The following TCERG1L variants were observed in gnomAD, a reference collection of about 807,000 sequenced individuals.
TCERG1L encodes transcription elongation regulator 1 like.
Under a neutral mutation model 56.3 loss-of-function variants are expected in TCERG1L, and 37 were observed. That is an observed-to-expected ratio of 0.66 (90% CI 0.51 to 0.87). The LOEUF is 0.87. Ranked by LOEUF, TCERG1L falls within the 40% of genes least tolerant of loss-of-function variation. The probability of loss-of-function intolerance (pLI) is 0.00; values close to 1 mark genes in which losing one functional copy is unlikely to be tolerated. For missense variants in TCERG1L, 799 were observed against 774.2 expected, an observed-to-expected ratio of 1.03 and a Z score of -0.38; for synonymous variants, 324 against 326.3, an observed-to-expected ratio of 0.99 and a Z score of 0.08.
chr10:131,241,113 C>A (rs1214752623), intron 4 of TCERG1L, among the ~76,000 whole-genome samples: 2 of 152,100 alleles, frequency 1.3e-5, no homozygotes, highest in Non-Finnish European at 2.9e-5. Context: ...CTCAGGGCAC[C>A]GCACAGAAAT....
intron 9 of TCERG1L, among the ~76,000 whole-genome samples, chr10:131,106,303 T>C (rs904705473): frequency 2.6e-5 from 4 of 152,190 alleles, no homozygotes; most frequent in Non-Finnish European, 4.4e-5. Context: ...ACTCTTGAGA[T>C]GGCACTAGGG....
intron 6 of TCERG1L, among the ~76,000 whole-genome samples, chr10:131,152,664 C>A (rs371044623): frequency 6.6e-5 from 10 of 152,214 alleles, no homozygotes; most frequent in Non-Finnish European, 1.0e-4. Flanking sequence ...ATCCTTATAG[C>A]AGCACCCCAC....
At chr10:131,250,071 G>A (rs1431772449) in intron 4 of TCERG1L, among the ~76,000 whole-genome samples, 9 of 152,224 alleles carry the variant, frequency 5.9e-5, no homozygotes, top group Admixed American at 5.9e-4. Context: ...GCACCAAGGA[G>A]GTATCACAGA....
chr10:131,284,342 ATTTAAAT>A (rs1846496785), intron 3 of TCERG1L, among the ~76,000 whole-genome samples: 1 of 152,144 alleles, frequency 6.6e-6, no homozygotes, highest in Admixed American at 6.5e-5. Context: ...AAAATTTAAA[ATTTAAAT>A]ATGAAACTGA....
intron 9 of TCERG1L, 84 bp from the exon 10 acceptor site, chr10:131,104,438 A>G: frequency 1.1e-6 from 1 of 889,750 alleles, no homozygotes; most frequent in Non-Finnish European, 1.8e-6. Flanking sequence ...AGTTAAAAAC[A>G]AATGAACAAC....
intron 7 of TCERG1L, among the ~76,000 whole-genome samples, 164 bp from the exon 8 acceptor site, chr10:131,134,612 G>A (rs758586693): frequency 2.6e-5 from 4 of 152,190 alleles, no homozygotes; most frequent in East Asian, 1.9e-4. Flanking sequence ...TGGCACACAT[G>A]CTTTTACATT....
intron 4 of TCERG1L, among the ~76,000 whole-genome samples, chr10:131,247,347 C>T (rs1276896156): frequency 2.0e-5 from 3 of 152,184 alleles, no homozygotes; most frequent in Admixed American, 6.5e-5. Context: ...ATTATATCCT[C>T]GCCTTCCTTT....
intron 3 of TCERG1L, among the ~76,000 whole-genome samples, chr10:131,274,107 T>G (rs770405029): frequency 9.2e-5 from 14 of 152,138 alleles, no homozygotes; most frequent in Non-Finnish European, 1.9e-4. Flanking sequence ...AAAGTGTCCT[T>G]CCTTTTCCTG....
In TCERG1L at chr10:131,260,341, G is replaced by A. The variant is rs1846223333; in HGVS notation, c.774C>T (p.Gly258=). 2 of 1,479,716 alleles carry A rather than the reference G, an allele frequency of 1.4e-6. No homozygotes were observed. Among genetic ancestry groups the A allele is most frequent in the African/African-American group, 1.5e-5 (1 of 67,680 alleles). 91.7% of individuals were successfully genotyped at this position (1,479,716 alleles called of 1,614,324 possible). ...GCGGCTGCACGCTGGAGGGGGACGGGCCCCGGAGGTTCTCAGGGTCCACGG... is the reference window on the plus strand; with the variant it reads ...GCGGCTGCACGCTGGAGGGGGACGGACCCCGGAGGTTCTCAGGGTCCACGG... ...MVSVDPENLR[G]PSPSSVQPRH... Residue 258 remains glycine, a synonymous_variant, in exon 4 of 12, where the codon GGC becomes GGT. Coordinates refer to ENST00000368642, the MANE Select transcript of TCERG1L (RefSeq NM_174937.4). This position sits in a 1 kb window ranked among gnomAD's most constrained non-coding sequence, Gnocchi z 5.8.
At chr10:131,226,546 C>T (rs954709183) in intron 4 of TCERG1L, among the ~76,000 whole-genome samples, 1 of 152,140 alleles carries the variant, frequency 6.6e-6, no homozygotes, top group Non-Finnish European at 1.5e-5. Context: ...ACAGCCATGA[C>T]GATTAGCATT....
At chr10:131,157,342 T>G (rs1845934689) in intron 6 of TCERG1L, among the ~76,000 whole-genome samples, 1 of 152,212 alleles carries the variant, frequency 6.6e-6, no homozygotes, top group Non-Finnish European at 1.5e-5. Context: ...AATATATATT[T>G]TTTAATTTCA....
intron 4 of TCERG1L, among the ~76,000 whole-genome samples, chr10:131,193,254 T>C (rs1161908362): frequency 6.6e-6 from 1 of 152,224 alleles, no homozygotes; most frequent in Non-Finnish European, 1.5e-5. Context: ...ATGTCCTAAA[T>C]ATTAGTTCCC....
intron 3 of TCERG1L, among the ~76,000 whole-genome samples, chr10:131,289,468 T>C (rs903666920): frequency 1.8e-4 from 24 of 135,142 alleles, no homozygotes; most frequent in African/African-American, 6.0e-4. Context: ...CTCTTATCGG[T>C]GTGTGTGTGA....
At chr10:131,283,675 C>T (rs986561156) in intron 3 of TCERG1L, among the ~76,000 whole-genome samples, 2 of 151,928 alleles carry the variant, frequency 1.3e-5, no homozygotes, top group Non-Finnish European at 2.9e-5. Flanking sequence ...AACTGGAAAA[C>T]GAAGATGATG....
At chr10:131,309,845 A>AAAAAC (rs1846862429) in intron 1 of TCERG1L, among the ~76,000 whole-genome samples, 1 of 149,130 alleles carries the variant, frequency 6.7e-6, no homozygotes, top group Non-Finnish European at 1.5e-5. Flanking sequence ...AAAAAAAAAA[A>AAAAAC]AAAAAAAAAA....
At chr10:131,236,064 A>T (rs1336719189) in intron 4 of TCERG1L, among the ~76,000 whole-genome samples, 1 of 152,212 alleles carries the variant, frequency 6.6e-6, no homozygotes, top group Non-Finnish European at 1.5e-5. Flanking sequence ...CCAGGCAGTG[A>T]GTCACCTTCA....
intron 6 of TCERG1L, among the ~76,000 whole-genome samples, chr10:131,148,559 AAC>A (rs780877522): frequency 2.6e-4 from 38 of 143,876 alleles, no homozygotes; most frequent in Admixed American, 1.7e-3. Flanking sequence ...CATGCAGAGA[AAC>A]ACACATACAC....
At chr10:131,291,753 A>G (rs992528197) in intron 3 of TCERG1L, among the ~76,000 whole-genome samples, 4 of 151,288 alleles carry the variant, frequency 2.6e-5, no homozygotes, top group Non-Finnish European at 4.4e-5. Context: ...TAAATGCACC[A>G]CTTTCCCATC....
At chr10:131,214,173 G>T (rs1285572389) in intron 4 of TCERG1L, among the ~76,000 whole-genome samples, 4 of 152,182 alleles carry the variant, frequency 2.6e-5, no homozygotes, top group Non-Finnish European at 5.9e-5. Flanking sequence ...TAGAGAGCCT[G>T]CCCAGGGAGG....
Sources: allele counts gnomAD v4.1 joint callset (sites outside exome capture counted in the v4.1 genomes callset), GRCh38; gene constraint gnomAD v4.1.1; non-coding constraint Gnocchi (gnomAD v3.1); transcripts MANE v1.5; gene names NCBI Gene and HGNC (gene_info 2026-07-23, HGNC 2026-07-21).